AUTS2: variants seen among roughly 807,000 people sequenced by gnomAD.
AUTS2 encodes autism susceptibility gene 2 protein.
Under a neutral mutation model 112.4 loss-of-function variants are expected in AUTS2, and 17 were observed. That is an observed-to-expected ratio of 0.15 (90% CI 0.10 to 0.23). The LOEUF is 0.23. Among genes scored for constraint, AUTS2 ranks in the 10% least tolerant of loss-of-function variants. The pLI is 1.00. For synonymous variants in AUTS2, 751 were observed against 702.7 expected, an observed-to-expected ratio of 1.07 and a Z score of -1.09; for missense variants, 1,510 against 1,701.6, an observed-to-expected ratio of 0.89 and a Z score of 1.98.
intron 6 of AUTS2, among the ~76,000 whole-genome samples, chr7:70,724,216 T>G (rs1033969534): frequency 5.3e-5 from 8 of 152,066 alleles, no homozygotes; most frequent in African/African-American, 1.9e-4. Context: ...TAAATGAAGA[T>G]GTGGCTGTGA....
At chr7:70,014,134 C>G (rs1036759137) in intron 2 of AUTS2, among the ~76,000 whole-genome samples, 1 of 152,124 alleles carries the variant, frequency 6.6e-6, no homozygotes, top group African/African-American at 2.4e-5. Flanking sequence ...AAGAAAGTAA[C>G]TATAAAAATG....
chr7:70,074,416 C>T (rs1305649925), intron 2 of AUTS2, among the ~76,000 whole-genome samples: 3 of 152,144 alleles, frequency 2.0e-5, no homozygotes, highest in Non-Finnish European at 4.4e-5. Flanking sequence ...TTATACTCCT[C>T]ATTAATTTTA....
At chr7:70,134,452 A>G (rs1016098690) in intron 3 of AUTS2, 84 bp from the exon 4 acceptor site, 1 of 1,181,394 alleles carries the variant, frequency 8.5e-7, no homozygotes, top group Non-Finnish European at 1.3e-6. Context: ...AAAGCCTGCA[A>G]AGGGCTGGTA....
chr7:70,387,062 C>G (rs1793643992), intron 4 of AUTS2, among the ~76,000 whole-genome samples: 1 of 152,186 alleles, frequency 6.6e-6, no homozygotes, highest in Admixed American at 6.5e-5. Flanking sequence ...CTTCAACCTA[C>G]AGTAATACTC....
intron 1 of AUTS2, among the ~76,000 whole-genome samples, chr7:69,860,866 A>C (rs1455140786): frequency 1.3e-5 from 2 of 152,228 alleles, no homozygotes; most frequent in Admixed American, 6.5e-5. Context: ...GATATTTGCC[A>C]AGTTATTAAT....
intron 2 of AUTS2, among the ~76,000 whole-genome samples, chr7:70,023,111 T>C (rs1407068247): frequency 6.6e-6 from 1 of 152,098 alleles, no homozygotes; most frequent in Non-Finnish European, 1.5e-5. Flanking sequence ...TCCCAAAGTG[T>C]TGGAATTACA....
At chr7:69,883,117 C>G (rs370230598) in intron 1 of AUTS2, among the ~76,000 whole-genome samples, 1 of 152,210 alleles carries the variant, frequency 6.6e-6, no homozygotes, top group Non-Finnish European at 1.5e-5. Context: ...AGCCAGTTCT[C>G]GGACTCAGAT....
intron 3 of AUTS2, among the ~76,000 whole-genome samples, chr7:70,125,759 C>T (rs1267405161): frequency 6.6e-6 from 1 of 152,192 alleles, no homozygotes; most frequent in Non-Finnish European, 1.5e-5. Context: ...TTAAGGGTCA[C>T]CCTACTTTTT....
intron 1 of AUTS2, among the ~76,000 whole-genome samples, chr7:69,810,539 A>G (rs752719073): frequency 2.0e-5 from 3 of 151,580 alleles, no homozygotes; most frequent in Non-Finnish European, 4.4e-5. Context: ...GGAACTTCTC[A>G]GTGTGACATT....
intron 5 of AUTS2, 44 bp downstream of exon 5, chr7:70,435,825 C>T: frequency 6.3e-7 from 1 of 1,598,426 alleles, no homozygotes; most frequent in Non-Finnish European, 8.6e-7. Flanking sequence ...ACATAACACA[C>T]TGAACACCAG....
chr7:70,033,137 A>G (rs548289512), intron 2 of AUTS2, among the ~76,000 whole-genome samples: 4 of 152,136 alleles, frequency 2.6e-5, no homozygotes, highest in Non-Finnish European at 5.9e-5. Flanking sequence ...AACTATCTGA[A>G]TATAATAAAA....
At chr7:70,053,634 G>A (rs572482697) in intron 2 of AUTS2, among the ~76,000 whole-genome samples, 1 of 150,170 alleles carries the variant, frequency 6.7e-6, no homozygotes, top group South Asian at 2.1e-4. Flanking sequence ...TGCCCTCCAG[G>A]GCTAAAGTAA....
At chr7:69,948,769 CTTTCATTTA>C (rs1436680586) in intron 2 of AUTS2, among the ~76,000 whole-genome samples, 2 of 150,162 alleles carry the variant, frequency 1.3e-5, no homozygotes, top group East Asian at 3.9e-4. Flanking sequence ...CCAAAATTTT[CTTTCATTTA>C]TTTATTTATT....
chr7:69,785,924 A>G (rs577108338), intron 1 of AUTS2, among the ~76,000 whole-genome samples: 229 of 152,228 alleles, frequency 1.5e-3, no homozygotes, highest in Non-Finnish European at 2.7e-3. Flanking sequence ...CTTGTCTCCC[A>G]GGTTCAAACG....
chr7:70,121,222 T>C (rs1265240424), intron 3 of AUTS2, among the ~76,000 whole-genome samples: 1 of 152,144 alleles, frequency 6.6e-6, no homozygotes, highest in Non-Finnish European at 1.5e-5. Context: ...GACCAAAATA[T>C]AAATGTGAAC....
chr7:69,747,784 G>GGGGTGT lies in AUTS2; in HGVS notation c.309+147823_309+147824insGGTGTG, dbSNP rs373385601. Among the ~76,000 whole-genome samples, 394 of 144,598 alleles carry GGGGTGT rather than the reference G, an allele frequency of 2.7e-3. 2 individuals are homozygous for GGGGTGT. Among genetic ancestry groups the GGGGTGT allele is most frequent in the African/African-American group, 4.6e-3 (179 of 38,728 alleles). 94.9% of individuals were successfully genotyped at this position (144,598 alleles called of 152,430 possible). On this transcript the variant is annotated intron_variant, in intron 1 of 18. Transcript: ENST00000342771. Reference sequence around the variant, plus strand: ...TGTGACAGACAGAGAGAAGGAGAGGGGTGTGTGTGTGTGTGTGTGTGTGTG... The same window carrying GGGGTGT: ...TGTGACAGACAGAGAGAAGGAGAGGGGGGTGTGTGTGTGTGTGTGTGTGTGTGTGTG...
At chr7:69,824,088 C>CGGTTGTATTTGGGTAGCGGTT (rs1318213283) in intron 1 of AUTS2, among the ~76,000 whole-genome samples, 1 of 151,890 alleles carries the variant, frequency 6.6e-6, no homozygotes, top group African/African-American at 2.4e-5. Context: ...AGCTTAGTCA[C>CGGTTGTATTTGGGTAGCGGTT]TGGATGTAAG....
chr7:69,773,460 A>G (rs1163471842), intron 1 of AUTS2, among the ~76,000 whole-genome samples: 1 of 145,368 alleles, frequency 6.9e-6, no homozygotes, highest in African/African-American at 2.5e-5. Context: ...GCACAGACCA[A>G]AAAAAAAAAA....
At chr7:70,048,594 G>T (rs1801607704) in intron 2 of AUTS2, among the ~76,000 whole-genome samples, 1 of 152,186 alleles carries the variant, frequency 6.6e-6, no homozygotes, top group African/African-American at 2.4e-5. Context: ...TGTTTTGATT[G>T]AATTAATTCA....
Sources: gnomAD v4.1 joint callset for allele counts (sites outside exome capture counted in the v4.1 genomes callset) on GRCh38, gnomAD v4.1.1 for gene constraint, MANE v1.5 for transcripts, NCBI Gene and HGNC (gene_info 2026-07-23, HGNC 2026-07-21) for gene names.